The following FHOD3 variants were observed in gnomAD, a reference collection of about 807,000 sequenced individuals.
The protein encoded by FHOD3 is FH1/FH2 domain-containing protein 3.
Under a neutral mutation model 173.0 loss-of-function variants are expected in FHOD3, and 90 were observed. The observed-to-expected ratio is 0.52, with a 90% CI of 0.44 to 0.62. The LOEUF is 0.62. Ranked by LOEUF, FHOD3 falls within the 20% of genes least tolerant of loss-of-function variation. The pLI is 0.00. For missense variants in FHOD3, 1,945 were observed against 2,034.7 expected (o/e 0.96, Z 0.85); for synonymous variants, 828 against 823.0 (o/e 1.01, Z -0.10).
intron 3 of FHOD3, among the ~76,000 whole-genome samples, chr18:36,484,017 C>G (rs1325584129): frequency 6.6e-6 from 1 of 152,196 alleles, no homozygotes; most frequent in East Asian, 1.9e-4. Context: ...AGGCCCTACC[C>G]CAGATCTGCT....
chr18:36,495,480 G>T (rs1170980510), intron 3 of FHOD3, among the ~76,000 whole-genome samples: 1 of 152,184 alleles, frequency 6.6e-6, no homozygotes, highest in Non-Finnish European at 1.5e-5. Flanking sequence ...CACGAGAAAA[G>T]TTTGGGATTC....
At chr18:36,738,845 A>G (rs147202686) in intron 20 of FHOD3, among the ~76,000 whole-genome samples, 2 of 152,164 alleles carry the variant, frequency 1.3e-5, no homozygotes, top group Non-Finnish European at 2.9e-5. Flanking sequence ...CTTTTTATTT[A>G]TTAAAGTCAG....
chr18:36,674,926 T>A (rs1239046316), intron 14 of FHOD3, among the ~76,000 whole-genome samples: 2 of 152,192 alleles, frequency 1.3e-5, no homozygotes, highest in Non-Finnish European at 2.9e-5. Context: ...CCAGTAACAT[T>A]TTTTTCCTCA....
chr18:36,695,220 C>T lies in FHOD3; in HGVS notation c.2236+1797C>T, dbSNP rs549582518. Among the ~76,000 whole-genome samples the T allele has an allele frequency of 1.1e-4, 16 of 150,958 alleles. 1 individual carries two copies. In the South Asian group the frequency reaches 2.5e-3, roughly 24 times the overall value. ...CAAAAAAATTAGCCGGGCGTGGTGG[C>T]GCATGCCTGTAATCTCAGCTACTTA... is the stretch of plus-strand genomic sequence containing the variant. On this transcript the variant is annotated intron_variant, in intron 17 of 28. Coordinates refer to ENST00000590592, the MANE Select transcript of FHOD3 (RefSeq NM_001281740.3).
chr18:36,394,730 T>C (rs1194091902), intron 3 of FHOD3, among the ~76,000 whole-genome samples: 1 of 152,240 alleles, frequency 6.6e-6, no homozygotes, highest in African/African-American at 2.4e-5. Context: ...TAATCAACTA[T>C]GTCTCTAGGA....
intron 6 of FHOD3, among the ~76,000 whole-genome samples, chr18:36,588,528 A>C (rs4799871): frequency 6.6e-6 from 1 of 151,946 alleles, no homozygotes; most frequent in Non-Finnish European, 1.5e-5. Context: ...TGGTTTTCCA[A>C]CCCCCTTTGT....
At position 36,612,027 on chromosome 18, in the gene FHOD3, G is replaced by A. The variant is rs370638263; in HGVS notation, c.889G>A (p.Val297Met). The change falls in exon 9 of 29, where the codon GTG becomes ATG. Residue 297 changes from valine (V) to methionine (M), a missense_variant. Val to Met is a conservative substitution (Grantham distance 21, BLOSUM62 1). Transcript: ENST00000590592. ...CCTGGAGGAGCTGGGCATTGCTGCT[G>A]TGTCCCAGAGGCACTTGAACAAGAA... ...DCLEELGIAA[V>M]SQRHLNKKGT... The A allele has an allele frequency of 1.9e-6, 3 of 1,614,028 alleles. No individual in the cohort carries two copies. Among genetic ancestry groups the A allele is most frequent in the African/African-American group, 1.3e-5 (1 of 74,908 alleles).
intron 5 of FHOD3, among the ~76,000 whole-genome samples, chr18:36,549,763 T>C (rs1341181196): frequency 6.7e-6 from 1 of 150,258 alleles, no homozygotes; most frequent in East Asian, 2.0e-4. Context: ...TTAGCCAGGA[T>C]GGTCTCGATC....
chr18:36,395,279 T>C (rs2048500134), intron 3 of FHOD3, among the ~76,000 whole-genome samples: 1 of 148,836 alleles, frequency 6.7e-6, no homozygotes, highest in South Asian at 2.1e-4. Flanking sequence ...ATCATGCCAC[T>C]GCACTCCAGT....
chr18:36,448,341 G>A (rs6507171), intron 3 of FHOD3, among the ~76,000 whole-genome samples: 44,629 of 152,082 alleles, frequency 0.29, 8,541 homozygotes, highest in East Asian at 0.56. Context: ...CAATGGATGT[G>A]TAACTGTCAT....
chr18:36,710,935 T>G (rs927570282), intron 18 of FHOD3: 1 of 152,176 alleles, frequency 6.6e-6, no homozygotes, highest in Non-Finnish European at 1.5e-5. Flanking sequence ...CTAAAACATA[T>G]CAAGAAATTG....
rs1442081782 is a variant in FHOD3, at chr18:36,326,503, AC to A, written c.165+28504del. On this transcript the variant is annotated intron_variant, in intron 1 of 28. Transcript: ENST00000590592. The stretch of plus-strand genomic sequence containing the variant: ...TACTTCAGGTCAGGCGCGGTTGCTC[AC>A]GCCTTGTAATCCCAGCACTTTGGGA... Among the ~76,000 whole-genome samples, 373 of 152,308 alleles carry A rather than the reference AC, an allele frequency of 2.4e-3. 3 individuals carry two copies. Among genetic ancestry groups the A allele is most frequent in the African/African-American group, 8.6e-3 (357 of 41,560 alleles).
intron 3 of FHOD3, among the ~76,000 whole-genome samples, chr18:36,433,818 G>A (rs2050678138): frequency 6.6e-6 from 1 of 151,998 alleles, no homozygotes; most frequent in Admixed American, 6.6e-5. Context: ...TTAGAAGGTA[G>A]GATTTTATTT....
chr18:36,566,074 A>C (rs1478171273), intron 5 of FHOD3, among the ~76,000 whole-genome samples: 1 of 152,202 alleles, frequency 6.6e-6, no homozygotes, highest in African/African-American at 2.4e-5. Context: ...ATATAGAAAA[A>C]GGAAGAATGG....
chr18:36,683,459 T>C (rs932922792), intron 15 of FHOD3, among the ~76,000 whole-genome samples: 1 of 152,212 alleles, frequency 6.6e-6, no homozygotes, highest in African/African-American at 2.4e-5. Flanking sequence ...TGTGTGAAAC[T>C]CTGAAAACTC....
intron 14 of FHOD3, among the ~76,000 whole-genome samples, chr18:36,662,781 A>G (rs183062793): frequency 1.3e-5 from 2 of 152,326 alleles, no homozygotes; most frequent in East Asian, 1.9e-4. Context: ...TATTAACTAT[A>G]GGCACTATGT....
intron 5 of FHOD3, among the ~76,000 whole-genome samples, chr18:36,541,710 C>A (rs765932937): frequency 3.9e-5 from 6 of 152,140 alleles, no homozygotes; most frequent in Non-Finnish European, 7.4e-5. Context: ...GGTTGTCATG[C>A]AGTTGAGGTT....
At chr18:36,377,309 G>T (rs2047491580) in intron 3 of FHOD3, among the ~76,000 whole-genome samples, 1 of 152,220 alleles carries the variant, frequency 6.6e-6, no homozygotes, top group South Asian at 2.1e-4. Flanking sequence ...CCACCTCTGG[G>T]TGTCTTTCCC....
chr18:36,306,933 C>T (rs1392421122), intron 1 of FHOD3, among the ~76,000 whole-genome samples: 1 of 152,120 alleles, frequency 6.6e-6, no homozygotes, highest in Non-Finnish European at 1.5e-5. Context: ...TGCCCTCCGG[C>T]CTTGGAGTAT....
Sources: allele counts gnomAD v4.1 joint callset (sites outside exome capture counted in the v4.1 genomes callset), GRCh38; gene constraint gnomAD v4.1.1; transcripts MANE v1.5; gene names NCBI Gene and HGNC (gene_info 2026-07-23, HGNC 2026-07-21).